B3GALNT2: variants seen among roughly 807,000 people sequenced by gnomAD.
B3GALNT2 encodes the protein beta-1,3-N-acetylgalactosaminyltransferase 2, also known as UDP-GalNAc:beta-1,3-N-acetylgalactosaminyltransferase 2.
A neutral mutation model predicts 61.1 loss-of-function variants in B3GALNT2; 53 were observed. The ratio of observed to expected loss-of-function variants is 0.87; its 90% CI spans 0.70 to 1.09. The LOEUF (loss-of-function observed/expected upper bound fraction) is 1.09, where lower values mean the gene tolerates loss of function less well. B3GALNT2 is among the 50% of genes least tolerant of loss of function. B3GALNT2 has a pLI of 0.00. For synonymous variants in B3GALNT2, 223 were observed against 237.4 expected, an observed-to-expected ratio of 0.94 and a Z score of 0.56; for missense variants, 544 against 623.0, an observed-to-expected ratio of 0.87 and a Z score of 1.35.
Position 235,470,965 on chromosome 1 carries a change from TG to T in B3GALNT2, c.652-6del, listed in dbSNP as rs1683974969. 6.2e-7 allele frequency: 1 copy of T among 1,613,454 alleles called. No individual in the cohort carries two copies. The highest frequency in any genetic ancestry group is 2.2e-5 in the East Asian group (1 of 44,878). The stretch of plus-strand genomic sequence containing the variant: ...CACGATTGTACCTTCAAAGCTCTTT[TG>T]TAGAAAGATGAATAGTGAGTCAATT... On this transcript the variant is annotated splice_polypyrimidine_tract_variant and splice_region_variant and intron_variant, in intron 5 of 11. Coordinates refer to ENST00000366600, the MANE Select transcript of B3GALNT2 (RefSeq NM_152490.5).
intron 5 of B3GALNT2, among the ~76,000 whole-genome samples, chr1:235,471,969 T>TAA (rs58278357): frequency 7.0e-5 from 10 of 142,344 alleles, no homozygotes; most frequent in Non-Finnish European, 9.3e-5. Flanking sequence ...TGCCTGAATT[T>TAA]AAAAAAAAAA....
intron 7 of B3GALNT2, among the ~76,000 whole-genome samples, chr1:235,462,568 C>T (rs546489232): frequency 1.3e-5 from 2 of 152,262 alleles, no homozygotes; most frequent in African/African-American, 2.4e-5. Flanking sequence ...TCTATATACT[C>T]GCAATGAACA....
At chr1:235,452,138 G>T in intron 11 of B3GALNT2, 1 of 152,260 alleles carries the variant, frequency 6.6e-6, no homozygotes, top group Non-Finnish European at 1.5e-5. Flanking sequence ...TCAGCCTTCT[G>T]AGTAGCTGGG....
chr1:235,476,125 T>C (rs1314059726), intron 5 of B3GALNT2, among the ~76,000 whole-genome samples: 1 of 152,262 alleles, frequency 6.6e-6, no homozygotes, highest in Non-Finnish European at 1.5e-5. Context: ...CTAGACCTGG[T>C]GGCCAGGCGC....
chr1:235,468,319 G>A (rs1441158796), intron 6 of B3GALNT2, among the ~76,000 whole-genome samples: 1 of 151,930 alleles, frequency 6.6e-6, no homozygotes, highest in South Asian at 2.1e-4. Context: ...AAAGTTACCT[G>A]GTTTTGTTTT....
In B3GALNT2 at chr1:235,448,281, C is replaced by G; in HGVS notation, c.*1925G>C. ...CATTGCAATGATACTGTGGTCTCAT[C>G]ACATGAGCTAGTTTTACAGGTAACT... is the stretch of plus-strand genomic sequence containing the variant. On this transcript the variant is annotated 3_prime_UTR_variant, in exon 12 of 12. Coordinates refer to ENST00000366600, the MANE Select transcript of B3GALNT2 (RefSeq NM_152490.5). The G allele has an allele frequency of 8.7e-7, 1 of 1,147,592 alleles. No homozygotes were observed. The highest frequency in any genetic ancestry group is 1.3e-6 in the Non-Finnish European group (1 of 767,482). 71.1% of individuals were successfully genotyped at this position (1,147,592 alleles called of 1,614,324 possible). A position where few individuals can be genotyped will look rare whatever the true frequency, so the allele number is the denominator to read the frequency against.
chr1:235,460,442 C>T (rs12087848), intron 7 of B3GALNT2, among the ~76,000 whole-genome samples: 18,984 of 142,786 alleles, frequency 0.13, 1,562 homozygotes, highest in African/African-American at 0.24. Context: ...CTGTGCCTGG[C>T]CATGTTTTAT....
At chr1:235,502,020 T>C (rs983567853) in intron 1 of B3GALNT2, among the ~76,000 whole-genome samples, 1 of 152,118 alleles carries the variant, frequency 6.6e-6, no homozygotes, top group African/African-American at 2.4e-5. Flanking sequence ...ATTAATTAAT[T>C]AATTATTTTG....
Position 235,504,259 on chromosome 1 carries a change from C to T in B3GALNT2, c.-7G>A. On this transcript the variant is annotated 5_prime_UTR_variant, in exon 1 of 12. Coordinates refer to ENST00000366600, the MANE Select transcript of B3GALNT2 (RefSeq NM_152490.5). ...GCACCAGCCAGTTTCGCATTGGCCG[C>T]CCCCGCCGCGAGCCGGGCTCTCCCG... is the stretch of plus-strand genomic sequence containing the variant. The T allele has an allele frequency of 2.0e-6, 3 of 1,486,206 alleles. No homozygotes were observed. The highest frequency in any genetic ancestry group is 2.7e-6 in the Non-Finnish European group (3 of 1,124,190). The allele number at this position is 1,486,206 out of a possible 1,614,324, so 92.1% of individuals were successfully genotyped here.
At chr1:235,487,874 G>A (rs1684876207) in intron 3 of B3GALNT2, among the ~76,000 whole-genome samples, 1 of 151,972 alleles carries the variant, frequency 6.6e-6, no homozygotes, top group Non-Finnish European at 1.5e-5. Context: ...CTGCAGCCTC[G>A]AACTGCTGGA....
intron 8 of B3GALNT2, 141 bp from the exon 9 acceptor site, chr1:235,455,825 C>G (rs1178756574): frequency 4.5e-6 from 5 of 1,119,814 alleles, no homozygotes; most frequent in Non-Finnish European, 6.2e-6. Context: ...AACATTTGCT[C>G]TAACAAAATT....
At chr1:235,465,584 A>AT (rs768005955) in intron 7 of B3GALNT2, 52 bp downstream of exon 7, 1 of 1,588,572 alleles carries the variant, frequency 6.3e-7, no homozygotes, top group Non-Finnish European at 8.5e-7. Flanking sequence ...AAGTATAAAG[A>AT]TTAAGTATAA....
At chr1:235,464,616 T>C (rs1054690977) in intron 7 of B3GALNT2, 15 of 152,254 alleles carry the variant, frequency 9.9e-5, no homozygotes, top group African/African-American at 2.9e-4. Context: ...TAGCTGGGCA[T>C]GGTGGCATGC....
chr1:235,464,467 C>T (rs1483049296), intron 7 of B3GALNT2: 2 of 150,872 alleles, frequency 1.3e-5, no homozygotes, highest in Non-Finnish European at 3.0e-5. Flanking sequence ...CTCTCTCCAC[C>T]CCTTCCTCCC....
intron 7 of B3GALNT2, chr1:235,464,402 T>C (rs1245921797): frequency 6.6e-6 from 1 of 151,760 alleles, no homozygotes; most frequent in Admixed American, 6.6e-5. Context: ...TGACTCTCTC[T>C]CCCCTCCTTT....
chr1:235,452,698 C>T (rs1032412481), intron 11 of B3GALNT2, among the ~76,000 whole-genome samples: 7 of 152,092 alleles, frequency 4.6e-5, no homozygotes, highest in South Asian at 2.1e-4. Context: ...CACAGGCAGG[C>T]GCTGCCATGC....
intron 5 of B3GALNT2, chr1:235,478,842 T>C (rs1276477475): frequency 2.0e-5 from 3 of 152,254 alleles, no homozygotes; most frequent in Non-Finnish European, 2.9e-5. Context: ...TAAATGTGAT[T>C]ATCTCCAAAT....
chr1:235,441,839 A>T, the B3GALNT2 span: 1 of 1,613,858 alleles, frequency 6.2e-7, no homozygotes, highest in Admixed American at 1.7e-5. Flanking sequence ...AAGATTGGGA[A>T]CTCAAAACAC....
Position 235,470,948 on chromosome 1 carries a change from T to C in B3GALNT2, c.664A>G (p.Thr222Ala), listed in dbSNP as rs375121424. The C allele has an allele frequency of 6.2e-6, 10 of 1,613,874 alleles. No individual in the cohort carries two copies. The African/African-American group carries it at 1.2e-4, about 19-fold the overall frequency. ...AGGTCTTGGCTCTCCCACACGATTG[T>C]ACCTTCAAAGCTCTTTTGTAGAAAG... ...QFILPESFEG[T>A]IVWESQDLHG... The change falls in exon 6 of 12, where the codon ACA (threonine) becomes GCA (alanine). Residue 222 changes from threonine to alanine, a missense_variant. Coordinates refer to ENST00000366600, the MANE Select transcript of B3GALNT2 (RefSeq NM_152490.5).
Sources: gnomAD v4.1 joint callset for allele counts (sites outside exome capture counted in the v4.1 genomes callset) on GRCh38, gnomAD v4.1.1 for gene constraint, MANE v1.5 for transcripts, NCBI Gene and HGNC (gene_info 2026-07-23, HGNC 2026-07-21) for gene names.